The following GALNT18 variants were observed in gnomAD, a reference collection of about 807,000 sequenced individuals.
GALNT18 encodes the protein GalNAc-transferase 18.
GALNT18 carries 44 observed loss-of-function variants against 69.5 expected under a neutral mutation model. That is an observed-to-expected ratio of 0.63 (90% CI 0.50 to 0.81). The LOEUF (loss-of-function observed/expected upper bound fraction) is 0.81, where lower values mean the gene tolerates loss of function less well. GALNT18 is among the 40% of genes least tolerant of loss of function. The pLI is 0.00. For synonymous variants in GALNT18, 364 were observed against 318.2 expected, an observed-to-expected ratio of 1.14 and a Z score of -1.53; for missense variants, 715 against 810.0, an observed-to-expected ratio of 0.88 and a Z score of 1.42.
At chr11:11,608,467 C>T (rs1859807588) in intron 1 of GALNT18, among the ~76,000 whole-genome samples, 1 of 152,086 alleles carries the variant, frequency 6.6e-6, no homozygotes, top group Admixed American at 6.5e-5. Context: ...TCAAGCAATT[C>T]TCCTGCCTCA....
At chr11:11,570,038 T>C (rs1392258385) in intron 1 of GALNT18, 3 of 152,074 alleles carry the variant, frequency 2.0e-5, no homozygotes, top group Non-Finnish European at 4.4e-5. Flanking sequence ...GCCTGTTTCC[T>C]CTGCAAGCAG....
intron 1 of GALNT18, among the ~76,000 whole-genome samples, chr11:11,481,718 T>G (rs974609153): frequency 6.6e-6 from 1 of 152,028 alleles, no homozygotes; most frequent in Non-Finnish European, 1.5e-5. Context: ...CAGTGTGCAC[T>G]GAAGGAGTAG....
At chr11:11,453,021 T>C (rs1165689629) in intron 1 of GALNT18, among the ~76,000 whole-genome samples, 2 of 152,100 alleles carry the variant, frequency 1.3e-5, no homozygotes, top group Non-Finnish European at 2.9e-5. Context: ...ACAGAGGCTG[T>C]TACTCGCCCC....
intron 1 of GALNT18, among the ~76,000 whole-genome samples, chr11:11,575,321 T>C (rs921828675): frequency 1.3e-5 from 2 of 152,264 alleles, no homozygotes; most frequent in East Asian, 3.9e-4. Flanking sequence ...AGCTATTACT[T>C]CCTCCTGGCA....
intron 2 of GALNT18, among the ~76,000 whole-genome samples, chr11:11,445,354 T>C (rs1855625476): frequency 6.6e-6 from 1 of 152,236 alleles, no homozygotes; most frequent in African/African-American, 2.4e-5. Flanking sequence ...GGAGTTCTTA[T>C]AAATTAAGTG....
chr11:11,292,286 G>T lies in GALNT18; in HGVS notation c.1677+743C>A, dbSNP rs559499209. Among the ~76,000 whole-genome samples, 3 of 152,230 alleles carry T rather than the reference G, an allele frequency of 2.0e-5. No individual in the cohort carries two copies. The East Asian group carries it at 5.8e-4, about 29-fold the overall frequency. ...TGGATCCTACCTTAGCAGATTCCCT[G>T]GTGACTAGGAGACCTCTGGGCAGAG... On this transcript the variant is annotated intron_variant, in intron 10 of 10. Coordinates refer to ENST00000227756, the MANE Select transcript of GALNT18 (RefSeq NM_198516.3).
intron 1 of GALNT18, among the ~76,000 whole-genome samples, chr11:11,472,403 C>G (rs914584478): frequency 6.6e-6 from 1 of 152,150 alleles, no homozygotes; most frequent in African/African-American, 2.4e-5. Context: ...TTTTCTGCCC[C>G]CAGTAAATCA....
intron 6 of GALNT18, among the ~76,000 whole-genome samples, chr11:11,351,165 T>G (rs1176968366): frequency 2.8e-4 from 43 of 152,150 alleles, no homozygotes; most frequent in Admixed American, 2.8e-3. Context: ...AGGCTGAGGA[T>G]GCAGGGAGCA....
At chr11:11,557,067 A>G (rs975265423) in intron 1 of GALNT18, among the ~76,000 whole-genome samples, 1 of 152,162 alleles carries the variant, frequency 6.6e-6, no homozygotes, top group Non-Finnish European at 1.5e-5. Context: ...GACACGGGAC[A>G]CTGGACACTG....
intron 1 of GALNT18, among the ~76,000 whole-genome samples, chr11:11,589,151 C>A (rs1032266970): frequency 6.6e-6 from 1 of 152,168 alleles, no homozygotes; most frequent in Non-Finnish European, 1.5e-5. Flanking sequence ...CCCCTGATGA[C>A]CCCCATAGGA....
intron 3 of GALNT18, among the ~76,000 whole-genome samples, chr11:11,392,431 C>T (rs1439789414): frequency 6.6e-6 from 1 of 152,164 alleles, no homozygotes; most frequent in Non-Finnish European, 1.5e-5. Flanking sequence ...ACCAGCCTAA[C>T]CAACACGGAG....
chr11:11,533,087 T>A (rs1229331847), intron 1 of GALNT18, among the ~76,000 whole-genome samples: 3 of 151,944 alleles, frequency 2.0e-5, no homozygotes, highest in African/African-American at 7.3e-5. Context: ...CCCACCCCCA[T>A]CCATGTTACT....
At chr11:11,504,131 G>A (rs74237014) in intron 1 of GALNT18, among the ~76,000 whole-genome samples, 2 of 152,302 alleles carry the variant, frequency 1.3e-5, no homozygotes, top group South Asian at 2.1e-4. Flanking sequence ...TTGAGCTCCT[G>A]AGGGCCAGGG....
At chr11:11,361,126 T>A (rs1409613072) in intron 6 of GALNT18, among the ~76,000 whole-genome samples, 1 of 152,208 alleles carries the variant, frequency 6.6e-6, no homozygotes, top group Non-Finnish European at 1.5e-5. Context: ...CATCTCCAAT[T>A]TCCCAGCAGG....
At chr11:11,549,746 T>C (rs549229616) in intron 1 of GALNT18, among the ~76,000 whole-genome samples, 1 of 152,340 alleles carries the variant, frequency 6.6e-6, no homozygotes, top group East Asian at 1.9e-4. Context: ...ACAACCCTAG[T>C]GGCTGGGCTG....
At chr11:11,285,172 C>G (rs1473129151) in intron 10 of GALNT18, among the ~76,000 whole-genome samples, 1 of 152,064 alleles carries the variant, frequency 6.6e-6, no homozygotes, top group Non-Finnish European at 1.5e-5. Flanking sequence ...CAGCCCCAAA[C>G]TCCCATTGCA....
At chr11:11,612,146 T>G (rs1172164185) in intron 1 of GALNT18, among the ~76,000 whole-genome samples, 1 of 150,532 alleles carries the variant, frequency 6.6e-6, no homozygotes, top group Non-Finnish European at 1.5e-5. Flanking sequence ...TTGAACAAAC[T>G]CTAAGTCTTC....
At chr11:11,306,229 G>C (rs11021767) in intron 9 of GALNT18, among the ~76,000 whole-genome samples, 8 of 151,990 alleles carry the variant, frequency 5.3e-5, no homozygotes, top group African/African-American at 1.9e-4. Flanking sequence ...GTGCATGTGT[G>C]TGTGTATGTG....
chr11:11,274,084 G>C (rs1848884957), intron 10 of GALNT18, among the ~76,000 whole-genome samples: 1 of 152,116 alleles, frequency 6.6e-6, no homozygotes, highest in Non-Finnish European at 1.5e-5. Context: ...GCAAGGGGTT[G>C]GGGGATCTCC....
Sources: gnomAD v4.1 joint callset for allele counts (sites outside exome capture counted in the v4.1 genomes callset) on GRCh38, gnomAD v4.1.1 for gene constraint, MANE v1.5 for transcripts, NCBI Gene and HGNC (gene_info 2026-07-23, HGNC 2026-07-21) for gene names.